KDM2B: variants seen among roughly 807,000 people sequenced by gnomAD.
The protein encoded by KDM2B is lysine demethylase 2B.
Under a neutral mutation model 150.0 loss-of-function variants are expected in KDM2B, and 26 were observed. The ratio of observed to expected loss-of-function variants is 0.17; its 90% CI spans 0.13 to 0.24. KDM2B has a LOEUF of 0.24. Ranked by LOEUF, KDM2B falls within the 10% of genes least tolerant of loss-of-function variation. The probability of loss-of-function intolerance (pLI) is 1.00; values close to 1 mark genes in which losing one functional copy is unlikely to be tolerated. For missense variants in KDM2B, 1,265 were observed against 1,816.9 expected (o/e 0.70, Z 5.52); for synonymous variants, 734 against 729.5 (o/e 1.01, Z -0.10).
At chr12:121,567,702 A>G (rs1594145322) in intron 4 of KDM2B, among the ~76,000 whole-genome samples, 1 of 141,222 alleles carries the variant, frequency 7.1e-6, no homozygotes, top group Non-Finnish European at 1.5e-5. Context: ...CAGAAAATAC[A>G]TTTCTTTTTT....
downstream of KDM2B, among the ~76,000 whole-genome samples, chr12:121,428,754 C>T (rs1872644187): frequency 6.6e-6 from 1 of 152,174 alleles, no homozygotes; most frequent in Non-Finnish European, 1.5e-5. Flanking sequence ...TTGGGGAAGC[C>T]ACCTCATGAC....
chr12:121,581,099 C>T (rs553436511), upstream of KDM2B: 85 of 712,830 alleles, frequency 1.2e-4, no homozygotes, highest in African/African-American at 1.3e-3. Context: ...ATTCATTCTG[C>T]CCGCCTCTGT....
chr12:121,556,220 C>T (rs1035168630), intron 4 of KDM2B, among the ~76,000 whole-genome samples: 4 of 152,132 alleles, frequency 2.6e-5, no homozygotes, highest in East Asian at 1.9e-4. Context: ...CCACTGCACT[C>T]GGCCTGTTTT....
chr12:121,532,771 C>A (rs1555308052), intron 8 of KDM2B, 35 bp downstream of exon 8: 2 of 1,609,850 alleles, frequency 1.2e-6, no homozygotes, highest in Non-Finnish European at 1.7e-6. Flanking sequence ...CCGCAGGAGA[C>A]TCGAGGAGCC....
intron 9 of KDM2B, chr12:121,516,303 A>C: frequency 2.9e-6 from 1 of 346,900 alleles, no homozygotes; most frequent in Non-Finnish European, 5.3e-6. Flanking sequence ...AGGGGGCTGC[A>C]CTTCAGGAGG....
At chr12:121,471,846 C>G (rs1394157611) in intron 12 of KDM2B, among the ~76,000 whole-genome samples, 1 of 152,154 alleles carries the variant, frequency 6.6e-6, no homozygotes, top group African/African-American at 2.4e-5. Flanking sequence ...AAACATGCCC[C>G]TAAGAAGGGA....
At chr12:121,510,079 T>C (rs1555303708) in intron 10 of KDM2B, 40 bp from the exon 11 acceptor site, 3 of 1,490,806 alleles carry the variant, frequency 2.0e-6, no homozygotes, top group African/African-American at 2.8e-5. Flanking sequence ...AGATGACACC[T>C]AACTCCCTGC....
the KDM2B span, chr12:121,416,037 G>A: frequency 2.8e-6 from 2 of 720,534 alleles, no homozygotes; most frequent in South Asian, 1.8e-5. Context: ...GTGCCCAGAG[G>A]AATATAGTAA....
At position 121,521,682 on chromosome 12, in the gene KDM2B, C is replaced by T. The variant is rs1234801453; in HGVS notation, c.932-582G>A. ...GGTCACACAACGCCTGCATGCCCCC[C>T]TCAGCTCTGCCCTCCACTCTGCCCC... is the stretch of plus-strand genomic sequence containing the variant. On this transcript the variant is annotated intron_variant, in intron 8 of 22. Coordinates refer to ENST00000377071, the MANE Select transcript of KDM2B (RefSeq NM_032590.5). This position sits in a 1 kb window ranked among gnomAD's most constrained non-coding sequence, Gnocchi z 4.9. Among the ~76,000 whole-genome samples, 1 of 152,218 alleles carries T rather than the reference C, an allele frequency of 6.6e-6. No individual in the cohort carries two copies. The highest frequency in any genetic ancestry group is 1.5e-5 in the Non-Finnish European group (1 of 68,042).
At position 121,467,172 on chromosome 12, in the gene KDM2B, A is replaced by T. The variant is rs1555294992; in HGVS notation, c.1735-13828T>A. 8.9e-7 allele frequency: 1 copy of T among 1,119,800 alleles called. No homozygotes were observed. Among genetic ancestry groups the T allele is most frequent in the Non-Finnish European group, 1.1e-6 (1 of 898,242 alleles). The allele number at this position is 1,119,800 out of a possible 1,614,324, so 69.4% of individuals were successfully genotyped here. On this transcript the variant is annotated intron_variant, in intron 12 of 22. Coordinates refer to ENST00000377071, the MANE Select transcript of KDM2B (RefSeq NM_032590.5). This position sits in a 1 kb window ranked among gnomAD's most constrained non-coding sequence, Gnocchi z 5.1. The stretch of plus-strand genomic sequence containing the variant: ...GGGCCGCCGACCTGGTCCGGCTCCG[A>T]TTCATAGTCGTCGTCCTCGGCGCTC...
At chr12:121,440,240 ACT>A in intron 21 of KDM2B, 165 bp from the exon 22 acceptor site, 1 of 606,448 alleles carries the variant, frequency 1.6e-6, no homozygotes. Flanking sequence ...GAAAAATCAG[ACT>A]CCACATCAAA....
intron 12 of KDM2B, among the ~76,000 whole-genome samples, chr12:121,456,293 G>GT (rs1188339804): frequency 2.0e-5 from 3 of 152,228 alleles, no homozygotes; most frequent in Non-Finnish European, 4.4e-5. Flanking sequence ...AGTGCGAAGG[G>GT]TGCCAACAAG....
chr12:121,503,056 C>T (rs1884738279), intron 11 of KDM2B, among the ~76,000 whole-genome samples: 1 of 150,064 alleles, frequency 6.7e-6, no homozygotes, highest in South Asian at 2.1e-4. Flanking sequence ...CAGCTCACTG[C>T]AACCTCCACC....
chr12:121,501,746 G>C lies in KDM2B; in HGVS notation c.1648-7081C>G, dbSNP rs55807907. Among the ~76,000 whole-genome samples, 390 of 152,174 alleles carry C rather than the reference G, an allele frequency of 2.6e-3. 3 individuals carry two copies. The highest frequency in any genetic ancestry group is 3.9e-3 in the Non-Finnish European group (268 of 68,010). On this transcript the variant is annotated intron_variant, in intron 11 of 22. Coordinates refer to ENST00000377071, the MANE Select transcript of KDM2B (RefSeq NM_032590.5). ...AGCGATTCTCCTGCCTCAGCCTCCA[G>C]AGTAGCTGTGATTACAGGCACGCAC...
At chr12:121,543,823 A>T (rs1555310125) in intron 6 of KDM2B, among the ~76,000 whole-genome samples, 1 of 151,538 alleles carries the variant, frequency 6.6e-6, no homozygotes, top group Non-Finnish European at 1.5e-5. Flanking sequence ...TCTAAAAAAC[A>T]AAAAACAAAA....
intron 11 of KDM2B, among the ~76,000 whole-genome samples, chr12:121,496,493 C>CTTTTT (rs782450832): frequency 4.1e-5 from 5 of 121,480 alleles, no homozygotes; most frequent in African/African-American, 1.0e-4. Flanking sequence ...GCTCATTGTC[C>CTTTTT]TTTTTTTTTT....
Position 121,441,190 on chromosome 12 carries a change from A to G in KDM2B, c.3328T>C (p.Cys1110Arg). ...AGCATCAGGGGTGTGATAGACTTGC[A>G]GTGGTTCAGGTCAATGCGGGTCCAC... ...RLWTRIDLNHCKSITPLMLSG... is the reference protein window; with the variant it reads ...RLWTRIDLNHRKSITPLMLSG... Residue 1110 changes from cysteine to arginine, a missense_variant, in exon 20 of 23, where the codon TGC becomes CGC. By Grantham distance (180) the Cys-to-Arg change is radical. Transcript: ENST00000377071. 6.2e-7 allele frequency: 1 copy of G among 1,614,174 alleles called. No individual in the cohort carries two copies. The highest frequency in any genetic ancestry group is 1.1e-5 in the South Asian group (1 of 91,090).
At chr12:121,548,583 GAC>G (rs1594102717) in intron 6 of KDM2B, among the ~76,000 whole-genome samples, 1 of 152,212 alleles carries the variant, frequency 6.6e-6, no homozygotes, top group Non-Finnish European at 1.5e-5. Flanking sequence ...CTTGCGTACA[GAC>G]ACACACACCG....
intron 8 of KDM2B, among the ~76,000 whole-genome samples, chr12:121,529,996 A>AGGCG (rs1887507003): frequency 6.6e-6 from 1 of 151,636 alleles, no homozygotes; most frequent in Non-Finnish European, 1.5e-5. Flanking sequence ...TGGGAGGCCA[A>AGGCG]GGTGGGCAGA....
Sources: allele counts gnomAD v4.1 joint callset (sites outside exome capture counted in the v4.1 genomes callset), GRCh38; gene constraint gnomAD v4.1.1; non-coding constraint Gnocchi (gnomAD v3.1); transcripts MANE v1.5; gene names NCBI Gene and HGNC (gene_info 2026-07-23, HGNC 2026-07-21).